PKDCC: variants seen among roughly 807,000 people sequenced by gnomAD.
PKDCC encodes the protein protein kinase domain containing, cytoplasmic.
Under a neutral mutation model 44.7 loss-of-function variants are expected in PKDCC, and 35 were observed. The observed-to-expected ratio is 0.78, with a 90% CI of 0.60 to 1.04. PKDCC has a LOEUF of 1.04. Ranked by LOEUF, PKDCC falls within the 50% of genes least tolerant of loss-of-function variation. The pLI is 0.00. For synonymous variants in PKDCC, 353 were observed against 303.3 expected, an observed-to-expected ratio of 1.16 and a Z score of -1.70; for missense variants, 738 against 672.7, an observed-to-expected ratio of 1.10 and a Z score of -1.07.
intron 2 of PKDCC, among the ~76,000 whole-genome samples, chr2:42,053,718 A>G (rs1021793015): frequency 9.9e-5 from 15 of 152,144 alleles, no homozygotes; most frequent in Admixed American, 9.8e-4. Context: ...CCCTCCCGAT[A>G]TTTCCATACA....
At position 42,051,781 on chromosome 2, in the gene PKDCC, C is replaced by T. The variant is rs902544517; in HGVS notation, c.640-1458C>T. Among the ~76,000 whole-genome samples the T allele has an allele frequency of 1.3e-5, 2 of 152,058 alleles. No homozygotes were observed. The highest frequency in any genetic ancestry group is 2.9e-5 in the Non-Finnish European group (2 of 68,004). On this transcript the variant is annotated intron_variant, in intron 1 of 6. Coordinates refer to ENST00000294964, the MANE Select transcript of PKDCC (RefSeq NM_138370.3). The surrounding 1 kb of genome is among the most constrained non-coding windows in gnomAD (Gnocchi z 4.2). ...CCCAAGAGTGAGGCCTTCCCCCATG[C>T]CAGCAGGATGACGGGGAGCTGAGGG...
At position 42,048,554 on chromosome 2, in the gene PKDCC, C is replaced by A; in HGVS notation, c.355C>A (p.Pro119Thr). Residue 119 changes from proline to threonine, a missense_variant, in exon 1 of 7, where the codon CCC (proline) becomes ACC (threonine). Pro to Thr is a conservative substitution (Grantham distance 38, BLOSUM62 -1). Transcript: ENST00000294964. This position sits in a 1 kb window ranked among gnomAD's most constrained non-coding sequence, Gnocchi z 6.2. ...SDGAPGWPPAPGPGSPGPGPR... is the reference protein window; with the variant it reads ...SDGAPGWPPATGPGSPGPGPR... ...CGGCGCCCCAGGCTGGCCCCCGGCT[C>A]CCGGCCCAGGCTCCCCCGGCCCGGG... The A allele has an allele frequency of 3.1e-6, 4 of 1,280,440 alleles. No individual in the cohort carries two copies. Among genetic ancestry groups the A allele is most frequent in the Non-Finnish European group, 3.9e-6 (4 of 1,021,764 alleles). 79.3% of individuals were successfully genotyped at this position (1,280,440 alleles called of 1,614,324 possible).
At chr2:42,049,269 C>T (rs193078494) in intron 1 of PKDCC, among the ~76,000 whole-genome samples, 41 of 152,284 alleles carry the variant, frequency 2.7e-4, no homozygotes, top group Non-Finnish European at 3.4e-4. Flanking sequence ...CTTCTCCCAA[C>T]TTCCAGTGAT....
chr2:42,053,892 C>A, intron 2 of PKDCC, 144 bp from the exon 3 acceptor site: 3 of 1,002,926 alleles, frequency 3.0e-6, no homozygotes, highest in South Asian at 1.6e-5. Context: ...CTGACCTTGG[C>A]CTTTGTGGAG....
At position 42,048,393 on chromosome 2, in the gene PKDCC, A is replaced by T. The variant is rs1667905067; in HGVS notation, c.194A>T (p.Glu65Val). ...ELARQIRARY[E>V]EVQRYSRGGP... ...GCCCGGCAGATCCGGGCGCGCTACGAGGAGGTGCAGCGCTATTCCCGCGGG... is the reference window on the plus strand; with the variant it reads ...GCCCGGCAGATCCGGGCGCGCTACGTGGAGGTGCAGCGCTATTCCCGCGGG... The change falls in exon 1 of 7, where the codon GAG (glutamate) becomes GTG (valine). Residue 65 changes from glutamate to valine, a missense_variant. Coordinates refer to ENST00000294964, the MANE Select transcript of PKDCC (RefSeq NM_138370.3). This position sits in a 1 kb window ranked among gnomAD's most constrained non-coding sequence, Gnocchi z 6.2. The T allele has an allele frequency of 1.8e-6, 2 of 1,141,896 alleles. No individual in the cohort carries two copies. The highest frequency in any genetic ancestry group is 7.6e-5 in the South Asian group (2 of 26,274). 70.7% of individuals were successfully genotyped at this position (1,141,896 alleles called of 1,614,324 possible).
intron 2 of PKDCC, chr2:42,053,634 C>T: frequency 1.9e-6 from 1 of 532,386 alleles, no homozygotes; most frequent in Non-Finnish European, 3.3e-6. Context: ...GGGGAGCACT[C>T]ACACACTCAC....
rs574984480 is a variant in PKDCC at position 42,055,757 on chromosome 2, G to A, written c.1222+364G>A. ...TTACCCACCTCACCAAATTCTTATG[G>A]GAATTAAATGTCAGGTGAAATGTGT... On this transcript the variant is annotated intron_variant, in intron 5 of 6. Transcript: ENST00000294964. This position sits in a 1 kb window ranked among gnomAD's most constrained non-coding sequence, Gnocchi z 4.5. The A allele has an allele frequency of 5.1e-6, 1 of 196,212 alleles. No individual in the cohort carries two copies. The highest frequency in any genetic ancestry group is 1.3e-4 in the South Asian group (1 of 7,792). 12.2% of individuals were successfully genotyped at this position (196,212 alleles called of 1,614,324 possible).
rs566956759 is a variant in PKDCC at position 42,056,149 on chromosome 2, ACAGT to A, written c.1222+760_1222+763del. ...GATGCTGTTTATGGGGCTGTAAATCACAGTCAGCCCTGGACTTTGGTCTAGTCCC... is the reference window on the plus strand; with the variant it reads ...GATGCTGTTTATGGGGCTGTAAATCACAGCCCTGGACTTTGGTCTAGTCCC... On this transcript the variant is annotated intron_variant, in intron 5 of 6. Coordinates refer to ENST00000294964, the MANE Select transcript of PKDCC (RefSeq NM_138370.3). Among the ~76,000 whole-genome samples the A allele has an allele frequency of 1.5e-3, 221 of 152,220 alleles. 3 individuals are homozygous for A. The highest frequency in any genetic ancestry group is 6.8e-3 in the East Asian group (35 of 5,168).
chr2:42,057,703 C>A lies in PKDCC; in HGVS notation c.*15C>A. The A allele has an allele frequency of 6.2e-7, 1 of 1,610,654 alleles. No homozygotes were observed. Among genetic ancestry groups the A allele is most frequent in the Non-Finnish European group, 8.5e-7 (1 of 1,177,720 alleles). ...CCTCTGGCTGACCTATCTGAGGGCT[C>A]GGCTGACCAGCTGACTATCCTCAGC... On this transcript the variant is annotated 3_prime_UTR_variant, in exon 7 of 7. Coordinates refer to ENST00000294964, the MANE Select transcript of PKDCC (RefSeq NM_138370.3).
Position 42,052,024 on chromosome 2 carries a change from G to A in PKDCC, c.640-1215G>A, listed in dbSNP as rs1027566189. Among the ~76,000 whole-genome samples the A allele has an allele frequency of 6.6e-6, 1 of 152,142 alleles. No individual in the cohort carries two copies. The highest frequency in any genetic ancestry group is 1.5e-5 in the Non-Finnish European group (1 of 68,022). The stretch of plus-strand genomic sequence containing the variant: ...CATACGAGCCCCTAGCTGCTGTGGA[G>A]TATGTTGGAAGAGCCAGGGGGATGC... On this transcript the variant is annotated intron_variant, in intron 1 of 6. Coordinates refer to ENST00000294964, the MANE Select transcript of PKDCC (RefSeq NM_138370.3). The surrounding 1 kb of genome is among the most constrained non-coding windows in gnomAD (Gnocchi z 4.3).
At position 42,055,713 on chromosome 2, in the gene PKDCC, C is replaced by T; in HGVS notation, c.1222+320C>T. On this transcript the variant is annotated intron_variant, in intron 5 of 6. Transcript: ENST00000294964. The surrounding 1 kb of genome is among the most constrained non-coding windows in gnomAD (Gnocchi z 4.5). ...ACCCCTTGAACCTCACTTTCCTCAT[C>T]TGTGAATTGGGTTCACTATTACCCA... is the stretch of plus-strand genomic sequence containing the variant. 3.7e-6 allele frequency: 1 copy of T among 267,582 alleles called. No individual in the cohort carries two copies. 16.6% of individuals were successfully genotyped at this position (267,582 alleles called of 1,614,324 possible).
chr2:42,057,020 A>G (rs78009071), intron 5 of PKDCC, among the ~76,000 whole-genome samples: 3 of 152,316 alleles, frequency 2.0e-5, no homozygotes, highest in African/African-American at 7.2e-5. Flanking sequence ...CTGAAAATCA[A>G]GTCTGTGCTT....
At position 42,051,775 on chromosome 2, in the gene PKDCC, C is replaced by T. The variant is rs1240778615; in HGVS notation, c.640-1464C>T. On this transcript the variant is annotated intron_variant, in intron 1 of 6. Coordinates refer to ENST00000294964, the MANE Select transcript of PKDCC (RefSeq NM_138370.3). The surrounding 1 kb of genome is among the most constrained non-coding windows in gnomAD (Gnocchi z 4.2). ...TCACAGCCCAAGAGTGAGGCCTTCC[C>T]CCATGCCAGCAGGATGACGGGGAGC... is the stretch of plus-strand genomic sequence containing the variant. 6.6e-6 allele frequency among the ~76,000 whole-genome samples: 1 copy of T among 152,092 alleles called. No individual in the cohort carries two copies. The highest frequency in any genetic ancestry group is 1.5e-5 in the Non-Finnish European group (1 of 68,014).
rs148070747 is a variant in PKDCC at position 42,052,019 on chromosome 2, G to A, written c.640-1220G>A. Among the ~76,000 whole-genome samples the A allele has an allele frequency of 3.8e-3, 573 of 152,222 alleles. 21 individuals are homozygous for A. Among genetic ancestry groups the A allele is most frequent in the Non-Finnish European group, 8.2e-4 (56 of 68,004 alleles). On this transcript the variant is annotated intron_variant, in intron 1 of 6. Transcript: ENST00000294964. This position sits in a 1 kb window ranked among gnomAD's most constrained non-coding sequence, Gnocchi z 4.3. ...AGCACCATACGAGCCCCTAGCTGCTGTGGAGTATGTTGGAAGAGCCAGGGG... is the reference window on the plus strand; with the variant it reads ...AGCACCATACGAGCCCCTAGCTGCTATGGAGTATGTTGGAAGAGCCAGGGG...
At position 42,057,241 on chromosome 2, in the gene PKDCC, A is replaced by G. The variant is rs761323413; in HGVS notation, c.1243A>G (p.Ser415Gly). The change falls in exon 6 of 7, where the codon AGC becomes GGC. Residue 415 changes from serine to glycine, a missense_variant. Transcript: ENST00000294964. ...SSTEYQCIPD[S>G]TIPQEDYRCW... is the part of the protein sequence containing the mutation. Reference sequence around the variant, plus strand: ...CACAGAGTACCAGTGTATCCCAGACAGCACCATCCCCCAGGAAGACTACCG... The same window carrying G: ...CACAGAGTACCAGTGTATCCCAGACGGCACCATCCCCCAGGAAGACTACCG... 1.9e-5 allele frequency: 30 copies of G among 1,614,094 alleles called. No individual in the cohort carries two copies. The Admixed American group carries it at 5.0e-4, about 27-fold the overall frequency.
Position 42,058,502 on chromosome 2 carries a change from G to A in PKDCC, c.*814G>A, listed in dbSNP as rs2425. The A allele has an allele frequency of 0.24, 36,813 of 152,126 alleles. 4,734 individuals carry two copies. The highest frequency in any genetic ancestry group is 0.34 in the Middle Eastern group (101 of 294). The allele number at this position is 152,126 out of a possible 1,614,324, so 9.4% of individuals were successfully genotyped here. A position where few individuals can be genotyped will look rare whatever the true frequency, so the allele number is the denominator to read the frequency against. ...ATAAAATAAAATTAGTTAATAAAATGATGTTTCACAGCAAACTCTTCCCTA... is the reference window on the plus strand; with the variant it reads ...ATAAAATAAAATTAGTTAATAAAATAATGTTTCACAGCAAACTCTTCCCTA... On this transcript the variant is annotated 3_prime_UTR_variant, in exon 7 of 7. Transcript: ENST00000294964. This position sits in a 1 kb window ranked among gnomAD's most constrained non-coding sequence, Gnocchi z 4.2.
At position 42,054,253 on chromosome 2, in the gene PKDCC, C is replaced by G; in HGVS notation, c.980C>G (p.Ala327Gly). The change falls in exon 3 of 7, where the codon GCC becomes GGC. Residue 327 changes from alanine to glycine, a missense_variant. Transcript: ENST00000294964. This position sits in a 1 kb window ranked among gnomAD's most constrained non-coding sequence, Gnocchi z 6.1. ...PARNFTLPCSAQGWCEGMNEK... is the reference protein window; with the variant it reads ...PARNFTLPCSGQGWCEGMNEK... ...AGGAACTTCACCCTGCCCTGCTCAG[C>G]CCAGGGCTGGTGCGAGGGCATGAAC... The G allele has an allele frequency of 6.2e-7, 1 of 1,605,916 alleles. No individual in the cohort carries two copies. Among genetic ancestry groups the G allele is most frequent in the South Asian group, 1.1e-5 (1 of 89,778 alleles).
In PKDCC at chr2:42,055,162, G is replaced by A. The variant is rs538652193; in HGVS notation, c.1115-124G>A. 299 of 1,263,184 alleles carry A rather than the reference G, an allele frequency of 2.4e-4. 9 individuals are homozygous for A. Among genetic ancestry groups the A allele is most frequent in the South Asian group, 1.3e-3 (100 of 76,240 alleles). The allele number at this position is 1,263,184 out of a possible 1,614,324, so 78.2% of individuals were successfully genotyped here. On this transcript the variant is annotated intron_variant, in intron 4 of 6. Coordinates refer to ENST00000294964, the MANE Select transcript of PKDCC (RefSeq NM_138370.3). This position sits in a 1 kb window ranked among gnomAD's most constrained non-coding sequence, Gnocchi z 4.5. ...GGTGGCATTCTGCCGCAACCTCCCCGCTCCCCCGCCCTCTGTTCACTGGGG... is the reference window on the plus strand; with the variant it reads ...GGTGGCATTCTGCCGCAACCTCCCCACTCCCCCGCCCTCTGTTCACTGGGG...
chr2:42,048,356 C>T lies in PKDCC; in HGVS notation c.157C>T (p.Arg53Cys). 4 of 1,162,640 alleles carry T rather than the reference C, an allele frequency of 3.4e-6. No individual in the cohort carries two copies. Among genetic ancestry groups the T allele is most frequent in the Non-Finnish European group, 2.1e-6 (2 of 943,964 alleles). 72.0% of individuals were successfully genotyped at this position (1,162,640 alleles called of 1,614,324 possible). A position where few individuals can be genotyped will look rare whatever the true frequency, so the allele number is the denominator to read the frequency against. The change falls in exon 1 of 7, where the codon CGC becomes TGC. Residue 53 changes from arginine (R) to cysteine (C), a missense_variant. Arg to Cys is a radical substitution (Grantham distance 180). Coordinates refer to ENST00000294964, the MANE Select transcript of PKDCC (RefSeq NM_138370.3). This position sits in a 1 kb window ranked among gnomAD's most constrained non-coding sequence, Gnocchi z 6.2. ...CCCGGGTCCGGGCCGTCGCGGGGGCCGCGGGGAGCTGGCCCGGCAGATCCG... is the reference window on the plus strand; with the variant it reads ...CCCGGGTCCGGGCCGTCGCGGGGGCTGCGGGGAGCTGGCCCGGCAGATCCG... ...PAPGPGRRGGRGELARQIRAR... is the reference protein window; with the variant it reads ...PAPGPGRRGGCGELARQIRAR...
Sources: allele counts gnomAD v4.1 joint callset (sites outside exome capture counted in the v4.1 genomes callset), GRCh38; gene constraint gnomAD v4.1.1; non-coding constraint Gnocchi (gnomAD v3.1); transcripts MANE v1.5; gene names NCBI Gene and HGNC (gene_info 2026-07-23, HGNC 2026-07-21).